Variants in SYT2 observed in about 807,000 individuals in gnomAD.
SYT2 encodes synaptotagmin-2.
Under a neutral mutation model 39.9 loss-of-function variants are expected in SYT2, and 15 were observed. The observed-to-expected ratio is 0.38, with a 90% CI of 0.25 to 0.58. The LOEUF (loss-of-function observed/expected upper bound fraction) is 0.58. Among genes scored for constraint, SYT2 ranks in the 20% least tolerant of loss-of-function variants. The pLI is 0.70. For missense variants in SYT2, 389 were observed against 530.3 expected (o/e 0.73, Z 2.62); for synonymous variants, 181 against 204.5 (o/e 0.89, Z 0.98).
chr1:202,666,356 A>G (rs1445878763), intron 1 of SYT2, among the ~76,000 whole-genome samples: 1 of 152,118 alleles, frequency 6.6e-6, no homozygotes, highest in African/African-American at 2.4e-5. Flanking sequence ...CTCTTCCCTC[A>G]AAGAAGATTC....
At chr1:202,644,550 A>G (rs1341362015) in intron 1 of SYT2, among the ~76,000 whole-genome samples, 2 of 152,032 alleles carry the variant, frequency 1.3e-5, no homozygotes, top group Admixed American at 1.3e-4. Context: ...TGACCTTCCC[A>G]GCTCCACCCC....
intron 1 of SYT2, among the ~76,000 whole-genome samples, chr1:202,697,451 G>A (rs913545933): frequency 7.2e-5 from 11 of 152,252 alleles, no homozygotes; most frequent in East Asian, 1.9e-4. Flanking sequence ...ATCGGTACAC[G>A]AACTTGTGTA....
chr1:202,628,218 G>C lies in SYT2; in HGVS notation c.-17-22429C>G, dbSNP rs1351800091. 6.6e-6 allele frequency among the ~76,000 whole-genome samples: 1 copy of C among 152,150 alleles called. No homozygotes were observed. Among genetic ancestry groups the C allele is most frequent in the African/African-American group, 2.4e-5 (1 of 41,434 alleles). ...TGTAATTGAGGAAACTGGGCCTCAGGGGGAGCGAAACAGGTCACTCGCTCA... is the reference window on the plus strand; with the variant it reads ...TGTAATTGAGGAAACTGGGCCTCAGCGGGAGCGAAACAGGTCACTCGCTCA... On this transcript the variant is annotated intron_variant, in intron 1 of 8. Coordinates refer to ENST00000367268, the MANE Select transcript of SYT2 (RefSeq NM_177402.5). The surrounding 1 kb of genome is among the most constrained non-coding windows in gnomAD (Gnocchi z 4.2).
chr1:202,602,282 C>T, intron 5 of SYT2, 96 bp downstream of exon 5: 1 of 1,410,608 alleles, frequency 7.1e-7, no homozygotes, highest in Non-Finnish European at 9.8e-7. Flanking sequence ...TTGTTCCAGG[C>T]TGAGCCATGG....
chr1:202,641,443 C>A (rs1410301710), intron 1 of SYT2, among the ~76,000 whole-genome samples: 6 of 152,292 alleles, frequency 3.9e-5, no homozygotes, highest in South Asian at 2.1e-4. Context: ...CAAGAAAGGG[C>A]CTTGCCCAAG....
chr1:202,614,575 G>A lies in SYT2; in HGVS notation c.-17-8786C>T, dbSNP rs1690979183. On this transcript the variant is annotated intron_variant, in intron 1 of 8. Transcript: ENST00000367268. This position sits in a 1 kb window ranked among gnomAD's most constrained non-coding sequence, Gnocchi z 4.0. ...ATATAAAATTGTAATTATGAGAAGT[G>A]CAAGAAAGGAGAGCCATCTGGTGGT... 6.6e-6 allele frequency among the ~76,000 whole-genome samples: 1 copy of A among 152,246 alleles called. No homozygotes were observed. The highest frequency in any genetic ancestry group is 2.4e-5 in the African/African-American group (1 of 41,458).
intron 1 of SYT2, among the ~76,000 whole-genome samples, chr1:202,695,938 G>A (rs1226371242): frequency 6.6e-6 from 1 of 152,184 alleles, no homozygotes; most frequent in Non-Finnish European, 1.5e-5. Context: ...TCCCGACTCT[G>A]GGCTTGTTCT....
At chr1:202,687,666 CAAAAAAA>C (rs59844832) in intron 1 of SYT2, among the ~76,000 whole-genome samples, 7 of 83,992 alleles carry the variant, frequency 8.3e-5, no homozygotes, top group African/African-American at 5.3e-5. Flanking sequence ...AACTCCATCT[CAAAAAAA>C]AAAAAAAAAA....
In SYT2 at chr1:202,604,488, A is replaced by C; in HGVS notation, c.312T>G (p.Asn104Lys). 4 of 1,614,124 alleles carry C rather than the reference A, an allele frequency of 2.5e-6. No homozygotes were observed. Among genetic ancestry groups the C allele is most frequent in the Non-Finnish European group, 3.4e-6 (4 of 1,180,028 alleles). ...CTTTCATGTCCTTCATGTTCATGGC[A>C]TTCTTCATGCCTTTGCCCTTCTCCT... ...NKKEKGKGMK[N>K]AMNMKDMKGG... is the part of the protein sequence containing the mutation. Residue 104 changes from asparagine (N) to lysine (K), a missense_variant, in exon 3 of 9, where the codon AAT (asparagine) becomes AAG (lysine). Asn to Lys is a moderately conservative substitution (Grantham distance 94). Coordinates refer to ENST00000367268, the MANE Select transcript of SYT2 (RefSeq NM_177402.5).
chr1:202,680,650 A>G (rs1653501757), intron 1 of SYT2, among the ~76,000 whole-genome samples: 1 of 152,080 alleles, frequency 6.6e-6, no homozygotes, highest in Non-Finnish European at 1.5e-5. Context: ...ATCCTACTTA[A>G]CCACACAATT....
intron 1 of SYT2, among the ~76,000 whole-genome samples, chr1:202,634,207 T>C (rs1192516356): frequency 2.0e-5 from 3 of 152,198 alleles, no homozygotes; most frequent in Non-Finnish European, 4.4e-5. Flanking sequence ...CCTAGTAATA[T>C]AAATATACCA....
chr1:202,640,175 C>T (rs1691858844), intron 1 of SYT2, among the ~76,000 whole-genome samples: 1 of 151,978 alleles, frequency 6.6e-6, no homozygotes, highest in South Asian at 2.1e-4. Flanking sequence ...CCCAAGCTGA[C>T]TTATAGGACT....
Position 202,623,015 on chromosome 1 carries a change from G to A in SYT2, c.-17-17226C>T, listed in dbSNP as rs569689917. Among the ~76,000 whole-genome samples, 16 of 152,144 alleles carry A rather than the reference G, an allele frequency of 1.1e-4. No individual in the cohort carries two copies. Among genetic ancestry groups the A allele is most frequent in the Non-Finnish European group, 1.9e-4 (13 of 68,026 alleles). The stretch of plus-strand genomic sequence containing the variant: ...TGAGTTGTCAACTCCTGGATTCCAG[G>A]CCTTTGTCGCCCCTCAGGCCACCCC... On this transcript the variant is annotated intron_variant, in intron 1 of 8. Coordinates refer to ENST00000367268, the MANE Select transcript of SYT2 (RefSeq NM_177402.5). This position sits in a 1 kb window ranked among gnomAD's most constrained non-coding sequence, Gnocchi z 4.2.
At chr1:202,652,588 C>T (rs1692212906) in intron 1 of SYT2, among the ~76,000 whole-genome samples, 2 of 152,178 alleles carry the variant, frequency 1.3e-5, no homozygotes, top group Non-Finnish European at 2.9e-5. Flanking sequence ...GCTGCTGGGC[C>T]CTCGCAACTT....
chr1:202,654,141 G>A (rs1692238238), intron 1 of SYT2, among the ~76,000 whole-genome samples: 1 of 152,186 alleles, frequency 6.6e-6, no homozygotes, highest in Non-Finnish European at 1.5e-5. Flanking sequence ...AGCTTACTGG[G>A]GAAATTAGGG....
At chr1:202,703,708 C>T (rs1045350798) in intron 1 of SYT2, among the ~76,000 whole-genome samples, 17 of 152,104 alleles carry the variant, frequency 1.1e-4, no homozygotes, top group Admixed American at 3.9e-4. Flanking sequence ...TCGCCCTAAC[C>T]CTGCATCACC....
chr1:202,687,666 CAAA>C (rs59844832), intron 1 of SYT2, among the ~76,000 whole-genome samples: 41 of 83,954 alleles, frequency 4.9e-4, no homozygotes, highest in African/African-American at 2.1e-3. Context: ...AACTCCATCT[CAAA>C]AAAAAAAAAA....
intron 1 of SYT2, among the ~76,000 whole-genome samples, chr1:202,660,075 GC>G (rs1302869431): frequency 2.0e-5 from 3 of 152,170 alleles, no homozygotes; most frequent in African/African-American, 7.2e-5. Context: ...CTGGAGCAAT[GC>G]CCATTGCCAG....
At position 202,594,272 on chromosome 1, in the gene SYT2, C is replaced by G. The variant is rs1361223793; in HGVS notation, c.*2485G>C. On this transcript the variant is annotated 3_prime_UTR_variant, in exon 9 of 9. Transcript: ENST00000367268. ...CCTGGTCACCAGGCACATAGACACC[C>G]AGACCACCAGAGGTTCCTACCATTG... The G allele has an allele frequency of 6.6e-6, 1 of 152,240 alleles. No individual in the cohort carries two copies. The highest frequency in any genetic ancestry group is 2.4e-5 in the African/African-American group (1 of 41,432). 9.4% of individuals were successfully genotyped at this position (152,240 alleles called of 1,614,324 possible). A position where few individuals can be genotyped will look rare whatever the true frequency, so the allele number is the denominator to read the frequency against.
Sources: gnomAD v4.1 joint callset for allele counts (sites outside exome capture counted in the v4.1 genomes callset) on GRCh38, gnomAD v4.1.1 for gene constraint, Gnocchi (gnomAD v3.1) non-coding constraint, MANE v1.5 for transcripts, NCBI Gene and HGNC (gene_info 2026-07-23, HGNC 2026-07-21) for gene names.